The following SLC12A4 variants were observed in gnomAD, a reference collection of about 807,000 sequenced individuals.
SLC12A4 encodes the protein electroneutral potassium-chloride cotransporter 1.
In SLC12A4, 84 loss-of-function variants were observed where a neutral mutation model predicts 119.2. The ratio of observed to expected loss-of-function variants is 0.70; its 90% CI spans 0.59 to 0.85. The LOEUF is 0.85. Among genes scored for constraint, SLC12A4 ranks in the 40% least tolerant of loss-of-function variants. The pLI, the probability that SLC12A4 is intolerant of heterozygous loss-of-function variation, is 0.00. For missense variants in SLC12A4, 1,298 were observed against 1,476.3 expected (o/e 0.88, Z 1.98); for synonymous variants, 599 against 604.6 (o/e 0.99, Z 0.14).
chr16:67,955,567 G>A (rs1279091404), intron 5 of SLC12A4, among the ~76,000 whole-genome samples: 1 of 151,782 alleles, frequency 6.6e-6, no homozygotes, highest in East Asian at 1.9e-4. Flanking sequence ...ACTAAAAAAA[G>A]GAAATGATAA....
chr16:67,954,812 G>C, intron 5 of SLC12A4, 39 bp from the exon 6 acceptor site: 2 of 1,611,760 alleles, frequency 1.2e-6, no homozygotes, highest in South Asian at 2.2e-5. Context: ...GGTCAAGGCT[G>C]GTTCTTCTTC....
At chr16:67,964,025 C>T (rs1325355204) in intron 1 of SLC12A4, 2 of 1,551,128 alleles carry the variant, frequency 1.3e-6, no homozygotes, top group Non-Finnish European at 1.7e-6. Flanking sequence ...CTTCGGCTGC[C>T]ATGGCCCAAA....
intron 2 of SLC12A4, among the ~76,000 whole-genome samples, chr16:67,962,008 C>T (rs1370726021): frequency 1.3e-5 from 2 of 152,166 alleles, no homozygotes; most frequent in African/African-American, 2.4e-5. Flanking sequence ...AAGAACACGG[C>T]TGGCAGGGGG....
chr16:67,946,327 G>A lies in SLC12A4; in HGVS notation c.2451C>T (p.Cys817=). The change falls in exon 19 of 24, where the codon TGC becomes TGT. Residue 817 remains cysteine (C), a synonymous_variant. Transcript: ENST00000316341. ...AWKTFIDTVR[C]TTAAHLALLV... ...GCAGGGCCAGGTGGGCAGCCGTAGT[G>A]CAGCGCACGGTGTCTGGGGAGGAGG... is the stretch of plus-strand genomic sequence containing the variant. 2 of 1,610,168 alleles carry A rather than the reference G, an allele frequency of 1.2e-6. No homozygotes were observed. The highest frequency in any genetic ancestry group is 1.7e-6 in the Non-Finnish European group (2 of 1,180,022).
chr16:67,952,469 G>T (rs778958022), intron 6 of SLC12A4, 44 bp from the exon 7 acceptor site: 1 of 1,606,178 alleles, frequency 6.2e-7, no homozygotes, highest in Admixed American at 1.7e-5. Flanking sequence ...TTCTTATTTG[G>T]AAAGTGAAAC....
At position 67,957,952 on chromosome 16, in the gene SLC12A4, C is replaced by T. The variant is rs1047347204; in HGVS notation, c.435G>A (p.Val145=). ...VILFLRLTWM[V]GTAGVLQALL... ...GGGCCTGTAGCACACCTGCTGTGCC[C>T]ACCATCCAGGTCAGCCGCAGGAAGA... The change falls in exon 4 of 24, where the codon GTG becomes GTA. Residue 145 remains valine, a synonymous_variant. Coordinates refer to ENST00000316341, the MANE Select transcript of SLC12A4 (RefSeq NM_005072.5). 1 of 1,614,236 alleles carries T rather than the reference C, an allele frequency of 6.2e-7. No individual in the cohort carries two copies. The highest frequency in any genetic ancestry group is 2.2e-5 in the East Asian group (1 of 44,882).
chr16:67,960,748 C>T (rs993976264), intron 3 of SLC12A4, among the ~76,000 whole-genome samples: 32 of 151,590 alleles, frequency 2.1e-4, no homozygotes, highest in African/African-American at 6.8e-4. Context: ...TACACTGAGC[C>T]GCAATGACAC....
At chr16:67,947,634 C>G in intron 15 of SLC12A4, 35 bp downstream of exon 15, 1 of 1,583,302 alleles carries the variant, frequency 6.3e-7, no homozygotes, top group Non-Finnish European at 8.6e-7. Flanking sequence ...CGGGCCCCCT[C>G]AGCTGGCAGA....
chr16:67,968,604 C>A lies in SLC12A4; in HGVS notation c.-51G>T. 6 of 1,372,774 alleles carry A rather than the reference C, an allele frequency of 4.4e-6. No individual in the cohort carries two copies. The highest frequency in any genetic ancestry group is 1.6e-5 in the African/African-American group (1 of 64,042). The allele number at this position is 1,372,774 out of a possible 1,614,324, so 85.0% of individuals were successfully genotyped here. A position where few individuals can be genotyped will look rare whatever the true frequency, so the allele number is the denominator to read the frequency against. On this transcript the variant is annotated 5_prime_UTR_variant, in exon 1 of 24. Coordinates refer to ENST00000316341, the MANE Select transcript of SLC12A4 (RefSeq NM_005072.5). Reference sequence around the variant, plus strand: ...CGCCGTCCCAGCCGCCCGCCGCTGTCCCCGCCGCTGTCCCCGCCGCCCCGG... The same window carrying A: ...CGCCGTCCCAGCCGCCCGCCGCTGTACCCGCCGCTGTCCCCGCCGCCCCGG...
intron 5 of SLC12A4, among the ~76,000 whole-genome samples, chr16:67,955,745 G>C (rs894341607): frequency 6.6e-6 from 1 of 152,014 alleles, no homozygotes; most frequent in African/African-American, 2.4e-5. Context: ...TAGGCGTGGC[G>C]GTGTGCACCT....
chr16:67,955,698 C>A (rs565165842), intron 5 of SLC12A4, among the ~76,000 whole-genome samples: 2 of 152,026 alleles, frequency 1.3e-5, no homozygotes, highest in Non-Finnish European at 2.9e-5. Flanking sequence ...CTGGGCAACA[C>A]GATGAAACCC....
In SLC12A4 at chr16:67,951,520, C is replaced by A; in HGVS notation, c.1133-216G>T. On this transcript the variant is annotated intron_variant, in intron 8 of 23. Transcript: ENST00000316341. The surrounding 1 kb of genome is among the most constrained non-coding windows in gnomAD (Gnocchi z 5.2). ...ACAAAGGTGGCTGAACCACCGTCAC[C>A]CAGAGCCCGCCACTGCCCGCCTTCC... The A allele has an allele frequency of 1.6e-6, 1 of 625,056 alleles. No homozygotes were observed. The highest frequency in any genetic ancestry group is 2.0e-5 in the South Asian group (1 of 50,030). The allele number at this position is 625,056 out of a possible 1,614,324, so 38.7% of individuals were successfully genotyped here. A position where few individuals can be genotyped will look rare whatever the true frequency, so the allele number is the denominator to read the frequency against.
chr16:67,944,345 T>G lies in SLC12A4; in HGVS notation c.*495A>C, dbSNP rs2058316898. On this transcript the variant is annotated 3_prime_UTR_variant, in exon 24 of 24. Transcript: ENST00000316341. The surrounding 1 kb of genome is among the most constrained non-coding windows in gnomAD (Gnocchi z 6.6). Reference sequence around the variant, plus strand: ...GCAGGAGGCCCAGAACTACACAATGTTTTATTGAAAAAGTCAGGCCTCAGC... The same window carrying G: ...GCAGGAGGCCCAGAACTACACAATGGTTTATTGAAAAAGTCAGGCCTCAGC... 7.3e-7 allele frequency: 1 copy of G among 1,369,664 alleles called. No individual in the cohort carries two copies. The highest frequency in any genetic ancestry group is 9.4e-7 in the Non-Finnish European group (1 of 1,062,882). The allele number at this position is 1,369,664 out of a possible 1,614,324, so 84.8% of individuals were successfully genotyped here.
rs1303822648 is a variant in SLC12A4 at position 67,947,075 on chromosome 16, G to A, written c.2103C>T (p.Asp701=). ...GCGGGTACTTCACGTGGAGGTCCTC[G>A]TCCAGCTTCAGCAGCACCAGCAGCT... The part of the protein sequence containing the change: ...RPQLLVLLKL[D]EDLHVKYPRL... Residue 701 remains aspartate (D), a synonymous_variant, in exon 17 of 24, where the codon GAC becomes GAT. Coordinates refer to ENST00000316341, the MANE Select transcript of SLC12A4 (RefSeq NM_005072.5). 2.2e-5 allele frequency: 35 copies of A among 1,606,540 alleles called. No individual in the cohort carries two copies. The highest frequency in any genetic ancestry group is 4.4e-5 in the South Asian group (4 of 90,448).
At position 67,947,617 on chromosome 16, in the gene SLC12A4, G is replaced by T. The variant is rs1567415124; in HGVS notation, c.1967+52C>A. ...ACCCCAATGCCAGACCACCCTGCCT[G>T]CTCGGCCGGGCCCCCTCAGCTGGCA... is the stretch of plus-strand genomic sequence containing the variant. On this transcript the variant is annotated intron_variant, in intron 15 of 23. Coordinates refer to ENST00000316341, the MANE Select transcript of SLC12A4 (RefSeq NM_005072.5). 1.9e-6 allele frequency: 3 copies of T among 1,564,778 alleles called. No individual in the cohort carries two copies. The East Asian group carries it at 7.0e-5, about 37-fold the overall frequency.
In SLC12A4 at chr16:67,949,972, G is replaced by T; in HGVS notation, c.1630-54C>A. 1 of 1,416,850 alleles carries T rather than the reference G, an allele frequency of 7.1e-7. No homozygotes were observed. The highest frequency in any genetic ancestry group is 9.9e-7 in the Non-Finnish European group (1 of 1,006,072). The allele number at this position is 1,416,850 out of a possible 1,614,324, so 87.8% of individuals were successfully genotyped here. A position where few individuals can be genotyped will look rare whatever the true frequency, so the allele number is the denominator to read the frequency against. Reference sequence around the variant, plus strand: ...CTGTCACCCCCATTCCACACCTTGGGCCCCAGACCCCAGCCTGGCCTCCCT... The same window carrying T: ...CTGTCACCCCCATTCCACACCTTGGTCCCCAGACCCCAGCCTGGCCTCCCT... On this transcript the variant is annotated intron_variant, in intron 12 of 23. Coordinates refer to ENST00000316341, the MANE Select transcript of SLC12A4 (RefSeq NM_005072.5). This position sits in a 1 kb window ranked among gnomAD's most constrained non-coding sequence, Gnocchi z 4.6.
chr16:67,944,000 C>G lies in SLC12A4; in HGVS notation c.*840G>C. ...TGAGCTCAGCCTTGGGCGTGGTGTG[C>G]GGGGGGAAGAGCACATTGAGGAGCC... On this transcript the variant is annotated 3_prime_UTR_variant, in exon 24 of 24. Transcript: ENST00000316341. The surrounding 1 kb of genome is among the most constrained non-coding windows in gnomAD (Gnocchi z 4.6). 1 of 1,547,952 alleles carries G rather than the reference C, an allele frequency of 6.5e-7. No individual in the cohort carries two copies. Among genetic ancestry groups the G allele is most frequent in the African/African-American group, 1.4e-5 (1 of 73,006 alleles).
rs1207598392 is a variant in SLC12A4 at position 67,945,554 on chromosome 16, C to T, written c.2848-1G>A. 1 of 1,612,754 alleles carries T rather than the reference C, an allele frequency of 6.2e-7. No homozygotes were observed. Among genetic ancestry groups the T allele is most frequent in the South Asian group, 1.1e-5 (1 of 90,972 alleles). ...AGTGCCGATCCTTGACCAGCTGGGCCTGAGGACAATTGCAGGAGATAGCCT... is the reference window on the plus strand; with the variant it reads ...AGTGCCGATCCTTGACCAGCTGGGCTTGAGGACAATTGCAGGAGATAGCCT... On this transcript the variant is annotated splice_acceptor_variant, in intron 21 of 23. Transcript: ENST00000316341. LOFTEE classifies it high-confidence loss of function.
rs747347073 is a variant in SLC12A4, at chr16:67,958,087, GA to G, written c.343-44del. On this transcript the variant is annotated intron_variant, in intron 3 of 23. Transcript: ENST00000316341. ...GAGGGGGCGAGTAGAGCATCAGAGGGATGCACCATGGAGAGTCAGCCCTAGT... is the reference window on the plus strand; with the variant it reads ...GAGGGGGCGAGTAGAGCATCAGAGGGTGCACCATGGAGAGTCAGCCCTAGT... The G allele has an allele frequency of 2.5e-5, 40 of 1,595,922 alleles. No homozygotes were observed. In the Middle Eastern group the frequency reaches 5.0e-4, roughly 20 times the overall value.
Sources: allele counts gnomAD v4.1 joint callset (sites outside exome capture counted in the v4.1 genomes callset), GRCh38; gene constraint gnomAD v4.1.1; non-coding constraint Gnocchi (gnomAD v3.1); transcripts MANE v1.5; gene names NCBI Gene and HGNC (gene_info 2026-07-23, HGNC 2026-07-21).